The following SPATA6 variants were observed in gnomAD, a reference collection of about 807,000 sequenced individuals.
SPATA6 encodes spermatogenesis associated 6, also known as spermatogenesis-associated protein 6.
A neutral mutation model predicts 65.3 loss-of-function variants in SPATA6; 56 were observed. The ratio of observed to expected loss-of-function variants is 0.86; its 90% CI spans 0.69 to 1.07. The LOEUF is 1.07. Among genes scored for constraint, SPATA6 ranks in the 50% least tolerant of loss-of-function variants. The pLI, the probability that SPATA6 is intolerant of heterozygous loss-of-function variation, is 0.00. For synonymous variants in SPATA6, 199 were observed against 213.2 expected (o/e 0.93, Z 0.58); for missense variants, 590 against 594.8 (o/e 0.99, Z 0.08).
At chr1:48,404,084 A>G (rs573432113) in intron 5 of SPATA6, among the ~76,000 whole-genome samples, 34 of 152,320 alleles carry the variant, frequency 2.2e-4, no homozygotes, top group African/African-American at 7.7e-4. Flanking sequence ...TGATTCCATC[A>G]TGAGTGATTA....
Position 48,403,812 on chromosome 1 carries a change from C to A in SPATA6, c.476G>T (p.Cys159Phe). 1 of 1,604,436 alleles carries A rather than the reference C, an allele frequency of 6.2e-7. No individual in the cohort carries two copies. The highest frequency in any genetic ancestry group is 8.5e-7 in the Non-Finnish European group (1 of 1,175,964). Reference sequence around the variant, plus strand: ...ACAAATAATTTTAACCTGAGTGTGGCATTTCCTTGAACTTATCAGACATTC... The same window carrying A: ...ACAAATAATTTTAACCTGAGTGTGGAATTTCCTTGAACTTATCAGACATTC... ...ITECLISSRK[C>F]HTQDKFIYHL... The change falls in exon 6 of 13, where the codon TGC (cysteine) becomes TTC (phenylalanine). Residue 159 changes from cysteine (C) to phenylalanine (F), a missense_variant. Transcript: ENST00000371847.
At chr1:48,414,685 C>A (rs773504317) in intron 3 of SPATA6, among the ~76,000 whole-genome samples, 5 of 152,206 alleles carry the variant, frequency 3.3e-5, no homozygotes, top group Non-Finnish European at 7.3e-5. Context: ...GATCATAGGA[C>A]TGTAGAACAC....
rs1644849823 is a variant in SPATA6 at position 48,298,269 on chromosome 1, A to G, written c.*444T>C. The G allele has an allele frequency of 6.6e-6, 1 of 152,660 alleles. No individual in the cohort carries two copies. Among genetic ancestry groups the G allele is most frequent in the African/African-American group, 2.4e-5 (1 of 41,484 alleles). The allele number at this position is 152,660 out of a possible 1,614,324, so 9.5% of individuals were successfully genotyped here. On this transcript the variant is annotated 3_prime_UTR_variant, in exon 13 of 13. Coordinates refer to ENST00000371847, the MANE Select transcript of SPATA6 (RefSeq NM_019073.4). The stretch of plus-strand genomic sequence containing the variant: ...AAACCCTTAGGAAATTCATTTCTGT[A>G]TAGGATATCATTTTGTTCATCACCA...
chr1:48,432,521 C>T (rs781282966), intron 3 of SPATA6, among the ~76,000 whole-genome samples: 9 of 151,926 alleles, frequency 5.9e-5, no homozygotes, highest in Non-Finnish European at 1.2e-4. Context: ...GGCTAATAAG[C>T]ACAAGAAAAG....
chr1:48,301,292 GAAAA>G (rs139495233), intron 12 of SPATA6, among the ~76,000 whole-genome samples: 4 of 138,474 alleles, frequency 2.9e-5, no homozygotes, highest in African/African-American at 1.0e-4. Context: ...AATACTAAAA[GAAAA>G]AAAAAAGCCA....
intron 3 of SPATA6, chr1:48,436,656 G>C (rs1234019049): frequency 6.2e-7 from 1 of 1,614,070 alleles, no homozygotes; most frequent in Non-Finnish European, 8.5e-7. Context: ...CATCAGTGCA[G>C]CCGTGGCTGA....
intron 9 of SPATA6, among the ~76,000 whole-genome samples, chr1:48,381,679 T>A (rs1404151561): frequency 3.3e-4 from 3 of 9,046 alleles, no homozygotes; most frequent in East Asian, 0.012. Context: ...AATAGTTAAA[T>A]TTTTTTTCTT....
intron 11 of SPATA6, among the ~76,000 whole-genome samples, chr1:48,349,503 TTTTTC>T (rs1188087978): frequency 6.6e-6 from 1 of 152,016 alleles, no homozygotes; most frequent in East Asian, 1.9e-4. Context: ...ACATCATGCT[TTTTTC>T]TTTTAATTTT....
At chr1:48,337,935 A>G (rs1211589793) in intron 11 of SPATA6, among the ~76,000 whole-genome samples, 1 of 152,020 alleles carries the variant, frequency 6.6e-6, no homozygotes, top group Non-Finnish European at 1.5e-5. Flanking sequence ...GTCTCAATCA[A>G]AAACTCAGTG....
At chr1:48,266,370 A>G in the SPATA6 span, among the ~76,000 whole-genome samples, 1 of 152,166 alleles carries the variant, frequency 6.6e-6, no homozygotes, top group African/African-American at 2.4e-5. Context: ...TAGTTCAGAC[A>G]CTAACACTCC....
Position 48,434,719 on chromosome 1 carries a change from T to C in SPATA6, c.238+16833A>G, listed in dbSNP as rs1654736783. On this transcript the variant is annotated intron_variant, in intron 3 of 12. Coordinates refer to ENST00000371847, the MANE Select transcript of SPATA6 (RefSeq NM_019073.4). ...GGGGGTGTGTGTGTGTGTGTGTCTG[T>C]AGATGAAAATCTGCAAACCTTCAGT... Among the ~76,000 whole-genome samples the C allele has an allele frequency of 3.3e-5, 5 of 152,104 alleles. No individual in the cohort carries two copies. In the South Asian group the frequency reaches 1.0e-3, roughly 32 times the overall value.
chr1:48,440,610 A>G (rs1173672451), intron 3 of SPATA6, among the ~76,000 whole-genome samples: 3 of 152,238 alleles, frequency 2.0e-5, no homozygotes, highest in African/African-American at 7.2e-5. Context: ...AAGGAAAATT[A>G]GGGAAAAGCC....
At chr1:48,270,438 T>C in the SPATA6 span, among the ~76,000 whole-genome samples, 1 of 152,122 alleles carries the variant, frequency 6.6e-6, no homozygotes. Flanking sequence ...CTGAGTTTTT[T>C]AACCACTTAT....
intron 3 of SPATA6, chr1:48,435,965 C>T: frequency 6.3e-7 from 1 of 1,596,266 alleles, no homozygotes; most frequent in Non-Finnish European, 8.6e-7. Flanking sequence ...TAAAGTGATT[C>T]AATGTCTCTT....
chr1:48,445,658 T>TCA (rs1655973511), intron 3 of SPATA6, among the ~76,000 whole-genome samples: 1 of 18,676 alleles, frequency 5.4e-5, no homozygotes, highest in Non-Finnish European at 7.7e-5. Flanking sequence ...AGACTCTGTC[T>TCA]CAAAAAAAAA....
rs147207949 is a variant in SPATA6 at position 48,390,122 on chromosome 1, T to C, written c.869-4773A>G. Among the ~76,000 whole-genome samples, 24 of 152,290 alleles carry C rather than the reference T, an allele frequency of 1.6e-4. No individual in the cohort carries two copies. In the East Asian group the frequency reaches 4.0e-3, roughly 26 times the overall value. On this transcript the variant is annotated intron_variant, in intron 8 of 12. Transcript: ENST00000371847. ...AGGAAATTAGTATATTGAAGAGATA[T>C]TGCAGCACTATTCACAGTCGCCAAA...
intron 6 of SPATA6, 126 bp from the exon 7 acceptor site, chr1:48,399,770 T>C (rs916853391): frequency 1.3e-6 from 1 of 799,530 alleles, no homozygotes; most frequent in Non-Finnish European, 1.9e-6. Context: ...GATCAGTCCT[T>C]CCTATCTGTG....
At chr1:48,328,985 C>T (rs1451745403) in intron 11 of SPATA6, among the ~76,000 whole-genome samples, 2 of 152,134 alleles carry the variant, frequency 1.3e-5, no homozygotes, top group Non-Finnish European at 2.9e-5. Context: ...ATATTGTACA[C>T]TTGTTAAGAG....
rs1569952776 is a variant in SPATA6 at position 48,296,124 on chromosome 1, C to T, written c.*2589G>A. The T allele has an allele frequency of 1.3e-5, 2 of 151,500 alleles. No homozygotes were observed. Among genetic ancestry groups the T allele is most frequent in the South Asian group, 4.2e-4 (2 of 4,788 alleles). 9.4% of individuals were successfully genotyped at this position (151,500 alleles called of 1,614,324 possible). On this transcript the variant is annotated 3_prime_UTR_variant, in exon 13 of 13. Transcript: ENST00000371847. The stretch of plus-strand genomic sequence containing the variant: ...AGCCTATTTATCTTTCATATTAACT[C>T]CAATAATTATTTCTAGATTTGTGGG...
Sources: gnomAD v4.1 joint callset for allele counts (sites outside exome capture counted in the v4.1 genomes callset) on GRCh38, gnomAD v4.1.1 for gene constraint, MANE v1.5 for transcripts, NCBI Gene and HGNC (gene_info 2026-07-23, HGNC 2026-07-21) for gene names.